CDYL: variants seen among roughly 807,000 people sequenced by gnomAD.
CDYL encodes chromodomain Y like.
A neutral mutation model predicts 47.3 loss-of-function variants in CDYL; 8 were observed. The ratio of observed to expected loss-of-function variants is 0.17; its 90% CI spans 0.10 to 0.31. The LOEUF is 0.31. Ranked by LOEUF, CDYL falls within the 10% of genes least tolerant of loss-of-function variation. The pLI, the probability that CDYL is intolerant of heterozygous loss-of-function variation, is 1.00. For synonymous variants in CDYL, 266 were observed against 265.0 expected, an observed-to-expected ratio of 1.00 and a Z score of -0.04; for missense variants, 471 against 701.4, an observed-to-expected ratio of 0.67 and a Z score of 3.71.
chr6:4,810,675 C>A (rs1321195075), intron 1 of CDYL, among the ~76,000 whole-genome samples: 1 of 152,114 alleles, frequency 6.6e-6, no homozygotes, highest in Non-Finnish European at 1.5e-5. Context: ...GCTCATAGTC[C>A]TGGGGGCCCA....
intron 1 of CDYL, among the ~76,000 whole-genome samples, chr6:4,844,077 C>T (rs541961164): frequency 6.6e-6 from 1 of 152,070 alleles, no homozygotes; most frequent in South Asian, 2.1e-4. Flanking sequence ...GAGAGCCAAA[C>T]CGTGGTGATT....
intron 1 of CDYL, among the ~76,000 whole-genome samples, chr6:4,833,819 A>G (rs1006740808): frequency 1.3e-3 from 205 of 151,924 alleles, no homozygotes; most frequent in African/African-American, 4.4e-3. Flanking sequence ...TCCCTTTACC[A>G]TTATGTAATG....
intron 3 of CDYL, among the ~76,000 whole-genome samples, chr6:4,739,689 C>G (rs567762942): frequency 2.0e-4 from 30 of 152,232 alleles, no homozygotes; most frequent in African/African-American, 6.7e-4. Context: ...CGTGGTGGCT[C>G]ACACCTGTAA....
intron 2 of CDYL, among the ~76,000 whole-genome samples, chr6:4,716,563 T>C (rs1757267718): frequency 6.6e-6 from 1 of 151,590 alleles, no homozygotes; most frequent in Non-Finnish European, 1.5e-5. Flanking sequence ...CTACACTCTG[T>C]GTTTACAAGC....
intron 1 of CDYL, among the ~76,000 whole-genome samples, chr6:4,860,047 G>A (rs1045638976): frequency 1.3e-5 from 2 of 151,160 alleles, no homozygotes; most frequent in African/African-American, 4.9e-5. Flanking sequence ...GACCACAGGC[G>A]CCCGCCACTA....
At chr6:4,799,672 C>T (rs575830475) in intron 1 of CDYL, among the ~76,000 whole-genome samples, 6 of 152,202 alleles carry the variant, frequency 3.9e-5, no homozygotes, top group Admixed American at 2.0e-4. Flanking sequence ...CTGAGCTAGG[C>T]GATCTGCCTG....
chr6:4,723,664 A>G (rs753974477), intron 2 of CDYL, among the ~76,000 whole-genome samples: 14 of 152,296 alleles, frequency 9.2e-5, no homozygotes, highest in Non-Finnish European at 1.9e-4. Flanking sequence ...TACAAGGCAG[A>G]GGAAGGGGGC....
chr6:4,935,246 A>G (rs1032090283), intron 2 of CDYL, among the ~76,000 whole-genome samples: 26 of 152,256 alleles, frequency 1.7e-4, no homozygotes, highest in African/African-American at 6.0e-4. Context: ...AAAAATCTCT[A>G]ACTATGTAGC....
At position 4,934,385 on chromosome 6, in the gene CDYL, A is replaced by G. The variant is rs182252073; in HGVS notation, c.692-1130A>G. 2.8e-3 allele frequency among the ~76,000 whole-genome samples: 428 copies of G among 152,284 alleles called. 2 individuals carry two copies. The highest frequency in any genetic ancestry group is 7.6e-3 in the African/African-American group (316 of 41,550). ...ATTAAAATATTATTTCCACCAGTTGAATGAAAGTCAGGTTGTTTTGCCAGG... is the reference window on the plus strand; with the variant it reads ...ATTAAAATATTATTTCCACCAGTTGGATGAAAGTCAGGTTGTTTTGCCAGG... On this transcript the variant is annotated intron_variant, in intron 2 of 6. Transcript: ENST00000397588.
At chr6:4,900,779 G>GTGTGTGTATATATATATATATATA in intron 2 of CDYL, among the ~76,000 whole-genome samples, 9 of 51,704 alleles carry the variant, frequency 1.7e-4, no homozygotes, top group South Asian at 9.5e-4. Context: ...GTATACGTGT[G>GTGTGTGTATATATATATATATATA]TATATATATA....
intron 1 of CDYL, among the ~76,000 whole-genome samples, chr6:4,829,157 T>C (rs1203614487): frequency 6.6e-6 from 1 of 152,234 alleles, no homozygotes; most frequent in Non-Finnish European, 1.5e-5. Context: ...TTTTTGTTGT[T>C]GTTACTGTTG....
At chr6:4,789,768 T>C (rs1182648918) in intron 1 of CDYL, among the ~76,000 whole-genome samples, 1 of 152,182 alleles carries the variant, frequency 6.6e-6, no homozygotes, top group Non-Finnish European at 1.5e-5. Flanking sequence ...CTCTGGGTGT[T>C]ACTCTTCTCA....
At position 4,739,191 on chromosome 6, in the gene CDYL, AAAAATAAAAT is replaced by A. The variant is rs560432926; in HGVS notation, c.186+4372_186+4381del. On this transcript the variant is annotated intron_variant, in intron 3 of 8. Coordinates refer to the CDYL transcript ENST00000328908. The stretch of plus-strand genomic sequence containing the variant: ...ATAAATAAATAAATAATTAAATAAT[AAAAATAAAAT>A]AAAATAAAATAAAATAAAATAAAAA... 6.8e-3 allele frequency among the ~76,000 whole-genome samples: 1,021 copies of A among 149,154 alleles called. 6 individuals are homozygous for A. Among genetic ancestry groups the A allele is most frequent in the Non-Finnish European group, 7.5e-3 (505 of 67,284 alleles).
intron 1 of CDYL, among the ~76,000 whole-genome samples, chr6:4,793,052 T>C (rs1015715612): frequency 1.3e-5 from 2 of 152,230 alleles, no homozygotes; most frequent in African/African-American, 4.8e-5. Context: ...TTGACTAGCA[T>C]GGCTTTATGT....
At chr6:4,951,559 C>A (rs1479924459) in intron 5 of CDYL, among the ~76,000 whole-genome samples, 2 of 151,780 alleles carry the variant, frequency 1.3e-5, no homozygotes, top group African/African-American at 4.8e-5. Flanking sequence ...TAGCTTTCTC[C>A]ACTGAGCCGT....
intron 2 of CDYL, among the ~76,000 whole-genome samples, chr6:4,921,143 G>T (rs544975565): frequency 1.3e-5 from 2 of 152,264 alleles, no homozygotes; most frequent in Admixed American, 1.3e-4. Flanking sequence ...AGGGTAGGTG[G>T]GTAGATAGAT....
chr6:4,777,995 C>T (rs926602498), intron 1 of CDYL, among the ~76,000 whole-genome samples: 3 of 152,166 alleles, frequency 2.0e-5, no homozygotes, highest in African/African-American at 7.2e-5. Context: ...CCATTCTTTT[C>T]AACCATTTTA....
At chr6:4,911,747 T>G (rs374079203) in intron 2 of CDYL, among the ~76,000 whole-genome samples, 2 of 152,204 alleles carry the variant, frequency 1.3e-5, no homozygotes, top group Non-Finnish European at 2.9e-5. Context: ...TTTAAACCTT[T>G]AGGGGTTACA....
intron 6 of CDYL, among the ~76,000 whole-genome samples, 156 bp from the exon 7 acceptor site, chr6:4,953,742 A>G (rs1296685020): frequency 6.6e-6 from 1 of 152,216 alleles, no homozygotes; most frequent in Non-Finnish European, 1.5e-5. Flanking sequence ...TGCTTTATAC[A>G]TATGTTAGGC....
Sources: gnomAD v4.1 joint callset for allele counts (sites outside exome capture counted in the v4.1 genomes callset) on GRCh38, gnomAD v4.1.1 for gene constraint, MANE v1.5 for transcripts, NCBI Gene and HGNC (gene_info 2026-07-23, HGNC 2026-07-21) for gene names.